Variants in TAFA5 observed in about 807,000 individuals in gnomAD.
TAFA5 encodes the protein chemokine-like protein TAFA-5.
In TAFA5, 6 loss-of-function variants were observed where a neutral mutation model predicts 15.3. The observed-to-expected ratio is 0.39, with a 90% CI of 0.21 to 0.77. The LOEUF (loss-of-function observed/expected upper bound fraction) is 0.77, where lower values mean the gene tolerates loss of function less well. Ranked by LOEUF, TAFA5 falls within the 30% of genes least tolerant of loss-of-function variation. The pLI is 0.41. For synonymous variants in TAFA5, 103 were observed against 80.7 expected, an observed-to-expected ratio of 1.28 and a Z score of -1.48; for missense variants, 161 against 193.1, an observed-to-expected ratio of 0.83 and a Z score of 0.98.
intron 3 of TAFA5, among the ~76,000 whole-genome samples, chr22:48,724,521 C>T (rs1305032594): frequency 5.3e-5 from 8 of 152,230 alleles, no homozygotes; most frequent in Non-Finnish European, 2.9e-5. Flanking sequence ...GCCACACACT[C>T]ACTCCTTGCA....
chr22:48,716,635 T>C (rs1385127328), intron 3 of TAFA5, among the ~76,000 whole-genome samples: 1 of 152,232 alleles, frequency 6.6e-6, no homozygotes, highest in African/African-American at 2.4e-5. Context: ...TGTGTACCTA[T>C]GTAACAAACC....
At chr22:48,678,754 A>AC (rs1381796935) in intron 2 of TAFA5, among the ~76,000 whole-genome samples, 5 of 140,214 alleles carry the variant, frequency 3.6e-5, no homozygotes, top group Non-Finnish European at 7.4e-5. Context: ...AAACGGAAAA[A>AC]CAAAGTTAAA....
At chr22:48,649,063 A>G (rs937665790) in intron 2 of TAFA5, among the ~76,000 whole-genome samples, 3 of 152,156 alleles carry the variant, frequency 2.0e-5, no homozygotes, top group Non-Finnish European at 4.4e-5. Context: ...CCCAGGGCCC[A>G]CTACCTGGAC....
At chr22:48,555,058 C>G (rs1922985719) in intron 1 of TAFA5, among the ~76,000 whole-genome samples, 1 of 152,232 alleles carries the variant, frequency 6.6e-6, no homozygotes, top group South Asian at 2.1e-4. Flanking sequence ...GTCATGGCAG[C>G]AGGAGGTCAG....
At chr22:48,717,640 C>T (rs938581686) in intron 3 of TAFA5, among the ~76,000 whole-genome samples, 3 of 152,232 alleles carry the variant, frequency 2.0e-5, no homozygotes, top group Non-Finnish European at 2.9e-5. Context: ...CCATTGCCCA[C>T]GTATTCATCA....
chr22:48,660,819 TG>T (rs1293039045), intron 2 of TAFA5, among the ~76,000 whole-genome samples: 6 of 152,090 alleles, frequency 3.9e-5, no homozygotes, highest in African/African-American at 1.4e-4. Flanking sequence ...GGGTGGGTTT[TG>T]GGGGTCAGGA....
chr22:48,503,953 A>G (rs905271851), intron 1 of TAFA5, among the ~76,000 whole-genome samples: 16 of 152,166 alleles, frequency 1.1e-4, no homozygotes, highest in African/African-American at 3.9e-4. Context: ...GTCACCCAGG[A>G]CCACACACTC....
intron 1 of TAFA5, among the ~76,000 whole-genome samples, chr22:48,533,556 C>T (rs1922044646): frequency 6.6e-6 from 1 of 152,162 alleles, no homozygotes; most frequent in African/African-American, 2.4e-5. Context: ...AAGCTGGATC[C>T]CACCACATTC....
chr22:48,604,815 G>A (rs1474408686), intron 1 of TAFA5, among the ~76,000 whole-genome samples: 2 of 152,170 alleles, frequency 1.3e-5, no homozygotes, highest in Non-Finnish European at 2.9e-5. Flanking sequence ...GGTATGAGAG[G>A]TATGCTTCTT....
At chr22:48,576,659 C>G in intron 1 of TAFA5, 3 of 1,227,190 alleles carry the variant, frequency 2.4e-6, no homozygotes, top group Non-Finnish European at 3.1e-6. Context: ...CCAGCACGTT[C>G]CGCTGCCGCC....
intron 3 of TAFA5, among the ~76,000 whole-genome samples, chr22:48,709,895 A>T (rs535112173): frequency 1.1e-4 from 17 of 152,354 alleles, no homozygotes; most frequent in Admixed American, 2.6e-4. Flanking sequence ...CAGGAACAGG[A>T]TTGGGTCCTT....
At chr22:48,551,584 T>C (rs1569022739) in intron 1 of TAFA5, among the ~76,000 whole-genome samples, 1 of 152,170 alleles carries the variant, frequency 6.6e-6, no homozygotes, top group Non-Finnish European at 1.5e-5. Flanking sequence ...AGTTCAGCTC[T>C]AAATATAGAC....
chr22:48,571,574 G>GTTTTGTTTTTTTTTTTTT, intron 1 of TAFA5, among the ~76,000 whole-genome samples: 1 of 29,236 alleles, frequency 3.4e-5, no homozygotes, highest in Non-Finnish European at 6.6e-5. Flanking sequence ...TGCCTGGCCT[G>GTTTTGTTTTTTTTTTTTT]TTTTTTTTTT....
intron 2 of TAFA5, among the ~76,000 whole-genome samples, chr22:48,700,362 G>A (rs1432094661): frequency 6.6e-6 from 1 of 152,136 alleles, no homozygotes; most frequent in Non-Finnish European, 1.5e-5. Flanking sequence ...ACACTAGGCC[G>A]TGAGAGCCTG....
At chr22:48,586,468 G>A (rs1601597331) in intron 1 of TAFA5, among the ~76,000 whole-genome samples, 1 of 152,230 alleles carries the variant, frequency 6.6e-6, no homozygotes, top group Non-Finnish European at 1.5e-5. Flanking sequence ...GATAAAAGGA[G>A]TGGAAGCCCG....
intron 1 of TAFA5, among the ~76,000 whole-genome samples, chr22:48,508,306 G>T (rs909192552): frequency 6.6e-6 from 1 of 152,196 alleles, no homozygotes; most frequent in Non-Finnish European, 1.5e-5. Flanking sequence ...GTAGGCGGGG[G>T]TGCAGCCAGT....
At chr22:48,699,243 T>C (rs1928826497) in intron 2 of TAFA5, among the ~76,000 whole-genome samples, 1 of 152,110 alleles carries the variant, frequency 6.6e-6, no homozygotes, top group African/African-American at 2.4e-5. Context: ...GACAACGCCT[T>C]TTAAGGGAAA....
Position 48,560,591 on chromosome 22 carries a change from A to ATAT in TAFA5, c.112+70899_112+70901dup, listed in dbSNP as rs1284265826. On this transcript the variant is annotated intron_variant, in intron 1 of 3. Transcript: ENST00000402357. This position sits in a 1 kb window ranked among gnomAD's most constrained non-coding sequence, Gnocchi z 4.2. Reference sequence around the variant, plus strand: ...TTTTATTATTATTATTATTATTATTATATTATTATTATTAATTATTTATTT... The same window carrying ATAT: ...TTTTATTATTATTATTATTATTATTATATTATTATTATTATTAATTATTTATTT... Among the ~76,000 whole-genome samples the ATAT allele has an allele frequency of 9.4e-5, 2 of 21,270 alleles. No homozygotes were observed. Among genetic ancestry groups the ATAT allele is most frequent in the Non-Finnish European group, 1.7e-4 (1 of 5,988 alleles). The allele number at this position is 21,270 out of a possible 152,430, so 14.0% of individuals were successfully genotyped here.
chr22:48,726,618 G>T (rs9617424), intron 3 of TAFA5, among the ~76,000 whole-genome samples: 1,785 of 25,208 alleles, frequency 0.071, 181 homozygotes, highest in Middle Eastern at 0.16. Flanking sequence ...TGGTAGTCTG[G>T]ACGGGAGAAT....
Sources: gnomAD v4.1 joint callset for allele counts (sites outside exome capture counted in the v4.1 genomes callset) on GRCh38, gnomAD v4.1.1 for gene constraint, Gnocchi (gnomAD v3.1) non-coding constraint, MANE v1.5 for transcripts, NCBI Gene and HGNC (gene_info 2026-07-23, HGNC 2026-07-21) for gene names.